The following CTBP2 variants were observed in gnomAD, a reference collection of about 807,000 sequenced individuals.
CTBP2 encodes C-terminal binding protein 2, also known as C-terminal-binding protein 2.
CTBP2 carries 30 observed loss-of-function variants against 80.3 expected under a neutral mutation model. That is an observed-to-expected ratio of 0.37 (90% CI 0.28 to 0.51). The LOEUF (loss-of-function observed/expected upper bound fraction) is 0.51, where lower values mean the gene tolerates loss of function less well. Ranked by LOEUF, CTBP2 falls within the 20% of genes least tolerant of loss-of-function variation. CTBP2 has a pLI of 0.93. For synonymous variants in CTBP2, 594 were observed against 587.4 expected, an observed-to-expected ratio of 1.01 and a Z score of -0.16; for missense variants, 1,212 against 1,375.3, an observed-to-expected ratio of 0.88 and a Z score of 1.88.
intron 1 of CTBP2, among the ~76,000 whole-genome samples, chr10:125,010,155 G>T (rs1297892010): frequency 6.7e-6 from 1 of 149,784 alleles, no homozygotes; most frequent in Non-Finnish European, 1.5e-5. Flanking sequence ...GTGGCTCCGG[G>T]AGCAGCTTCA....
intron 3 of CTBP2, among the ~76,000 whole-genome samples, chr10:125,034,761 C>T (rs994608375): frequency 3.3e-5 from 5 of 152,160 alleles, no homozygotes; most frequent in Admixed American, 2.6e-4. Flanking sequence ...AAGAAAACAG[C>T]TACTCAGAAC....
At chr10:125,019,843 GA>G (rs1222502018) in intron 1 of CTBP2, among the ~76,000 whole-genome samples, 6 of 152,156 alleles carry the variant, frequency 3.9e-5, no homozygotes, top group African/African-American at 1.4e-4. Flanking sequence ...TCAAGAAATT[GA>G]AAAAACAACC....
chr10:125,016,135 G>C (rs3781423), intron 1 of CTBP2, among the ~76,000 whole-genome samples: 58,065 of 151,982 alleles, frequency 0.38, 11,361 homozygotes, highest in Admixed American at 0.44. Flanking sequence ...GGTGGGTCCC[G>C]ATCAGGCTGA....
At chr10:125,083,417 C>A (rs1236536540) in intron 2 of CTBP2, among the ~76,000 whole-genome samples, 1 of 152,214 alleles carries the variant, frequency 6.6e-6, no homozygotes, top group Admixed American at 6.5e-5. Flanking sequence ...CAGGACAGGG[C>A]TGTCCGAGGA....
intron 2 of CTBP2, among the ~76,000 whole-genome samples, chr10:125,089,838 G>A (rs1167926102): frequency 6.6e-6 from 1 of 152,158 alleles, no homozygotes; most frequent in East Asian, 1.9e-4. Context: ...CTAATGGGTG[G>A]GACCATGTCA....
At chr10:125,109,203 C>T (rs570837996) in intron 2 of CTBP2, among the ~76,000 whole-genome samples, 4 of 152,344 alleles carry the variant, frequency 2.6e-5, no homozygotes, top group South Asian at 2.1e-4. Context: ...ATTTCCAACA[C>T]TGAAATGAGC....
intron 1 of CTBP2, among the ~76,000 whole-genome samples, chr10:125,149,376 G>A (rs983045649): frequency 1.3e-5 from 2 of 152,264 alleles, no homozygotes; most frequent in African/African-American, 4.8e-5. Context: ...GGAGTGAAGT[G>A]GAAGGAGACC....
intron 2 of CTBP2, among the ~76,000 whole-genome samples, chr10:125,092,460 G>A (rs1848918780): frequency 6.6e-6 from 1 of 152,068 alleles, no homozygotes; most frequent in Admixed American, 6.6e-5. Flanking sequence ...GGGATTACAG[G>A]CATGAGCCAC....
chr10:125,027,614 G>A lies in CTBP2; in HGVS notation c.146C>T (p.Thr49Ile). 1 of 1,614,038 alleles carries A rather than the reference G, an allele frequency of 6.2e-7. No individual in the cohort carries two copies. Among genetic ancestry groups the A allele is most frequent in the Non-Finnish European group, 8.5e-7 (1 of 1,180,026 alleles). ...TGGTCGGTGGTTTGGCTCAAACCAA[G>A]TCCCCTCTGCTGTGCCATACGTCAG... The change falls in exon 1 of 9, where the codon ACT becomes ATT. Residue 49 changes from threonine to isoleucine, a missense_variant. This residue lies in a region of CTBP2 where 848 missense variants were observed against 782.3 expected (regional missense o/e 1.08). Coordinates refer to ENST00000309035, the MANE Select transcript of CTBP2 (RefSeq NM_022802.3).
At chr10:125,089,454 G>A (rs1163920156) in intron 2 of CTBP2, among the ~76,000 whole-genome samples, 1 of 152,158 alleles carries the variant, frequency 6.6e-6, no homozygotes, top group Non-Finnish European at 1.5e-5. Flanking sequence ...TCTAGGGGAG[G>A]GGTCAACCTG....
intron 2 of CTBP2, among the ~76,000 whole-genome samples, chr10:125,105,996 G>A (rs1048715790): frequency 2.6e-5 from 4 of 152,132 alleles, no homozygotes; most frequent in Non-Finnish European, 4.4e-5. Flanking sequence ...CACTCTTCTT[G>A]CCTTTAACAA....
rs1213950758 is a variant in CTBP2, at chr10:124,988,916, T to C, written c.*602A>G. ...TTTTTTTTGCATCATCAGAGGGTTT[T>C]ACTGAACTTACAACCGACTTGCCCG... On this transcript the variant is annotated 3_prime_UTR_variant, in exon 9 of 9. Transcript: ENST00000309035. The C allele has an allele frequency of 6.6e-6, 1 of 151,572 alleles. No homozygotes were observed. The highest frequency in any genetic ancestry group is 1.5e-5 in the Non-Finnish European group (1 of 67,968). The allele number at this position is 151,572 out of a possible 1,614,324, so 9.4% of individuals were successfully genotyped here.
chr10:125,049,041 C>CCACA (rs1364121384), intron 2 of CTBP2, among the ~76,000 whole-genome samples: 5 of 112,400 alleles, frequency 4.4e-5, no homozygotes, highest in African/African-American at 3.4e-5. Context: ...GCCCGCCTGA[C>CCACA]CACAGACACA....
At chr10:125,002,166 T>C (rs1954613486) in intron 3 of CTBP2, among the ~76,000 whole-genome samples, 2 of 152,052 alleles carry the variant, frequency 1.3e-5, no homozygotes, top group African/African-American at 4.8e-5. Context: ...TAAGGCAGAG[T>C]ACAGCCCCCA....
chr10:125,002,090 T>A (rs1013663988), intron 3 of CTBP2, among the ~76,000 whole-genome samples: 2 of 152,294 alleles, frequency 1.3e-5, no homozygotes, highest in East Asian at 3.9e-4. Flanking sequence ...GGAAGAGCTG[T>A]TCCAAGGCCA....
chr10:125,076,011 T>C (rs1846219901), intron 2 of CTBP2, among the ~76,000 whole-genome samples: 2 of 152,188 alleles, frequency 1.3e-5, no homozygotes, highest in Admixed American at 1.3e-4. Flanking sequence ...AGCTCAAAGC[T>C]ACAAATCCCA....
chr10:124,990,301 C>G (rs1239435037), intron 8 of CTBP2, among the ~76,000 whole-genome samples: 1 of 152,158 alleles, frequency 6.6e-6, no homozygotes, highest in Non-Finnish European at 1.5e-5. Context: ...CCTCAGCCTC[C>G]CAAAGTGCTG....
intron 2 of CTBP2, among the ~76,000 whole-genome samples, chr10:125,054,440 A>C (rs1963444819): frequency 6.6e-6 from 1 of 152,134 alleles, no homozygotes; most frequent in Non-Finnish European, 1.5e-5. Context: ...CAGTCCCAAC[A>C]GTCCATGAGA....
At chr10:125,062,645 C>T (rs528006198) in intron 2 of CTBP2, among the ~76,000 whole-genome samples, 72 of 152,238 alleles carry the variant, frequency 4.7e-4, no homozygotes, top group Non-Finnish European at 9.1e-4. Flanking sequence ...AGCTGGATCA[C>T]CTGAGGTCAG....
Sources: allele counts gnomAD v4.1 joint callset (sites outside exome capture counted in the v4.1 genomes callset), GRCh38; gene constraint gnomAD v4.1.1; regional missense constraint gnomAD v4.1.1; transcripts MANE v1.5; gene names NCBI Gene and HGNC (gene_info 2026-07-23, HGNC 2026-07-21).